The following MAN1A1 variants were observed in gnomAD, a reference collection of about 807,000 sequenced individuals.
MAN1A1 encodes the protein mannosidase alpha class 1A member 1.
MAN1A1 carries 29 observed loss-of-function variants against 70.8 expected under a neutral mutation model. The ratio of observed to expected loss-of-function variants is 0.41; its 90% CI spans 0.31 to 0.56. The LOEUF is 0.56. MAN1A1 is among the 20% of genes least tolerant of loss of function. The pLI is 0.29. For synonymous variants in MAN1A1, 349 were observed against 330.1 expected (o/e 1.06, Z -0.62); for missense variants, 747 against 841.3 (o/e 0.89, Z 1.39).
At chr6:119,261,834 T>A (rs1562215485) in intron 5 of MAN1A1, among the ~76,000 whole-genome samples, 1 of 152,246 alleles carries the variant, frequency 6.6e-6, no homozygotes, top group Non-Finnish European at 1.5e-5. Context: ...AGGTTATTGT[T>A]CAGACAAGAA....
At chr6:119,265,210 C>T (rs1291157468) in intron 5 of MAN1A1, among the ~76,000 whole-genome samples, 1 of 151,958 alleles carries the variant, frequency 6.6e-6, no homozygotes, top group Non-Finnish European at 1.5e-5. Context: ...CAGTGATCCT[C>T]CTACCTCAGC....
intron 5 of MAN1A1, among the ~76,000 whole-genome samples, chr6:119,287,055 G>A (rs1776394348): frequency 6.6e-6 from 1 of 152,024 alleles, no homozygotes. Context: ...AAGACTTCTA[G>A]CATATCCTTT....
intron 6 of MAN1A1, among the ~76,000 whole-genome samples, chr6:119,227,818 A>G (rs1774560194): frequency 6.6e-6 from 1 of 152,194 alleles, no homozygotes; most frequent in Non-Finnish European, 1.5e-5. Flanking sequence ...CATCGGATTG[A>G]AATTTCGAGT....
chr6:119,301,909 C>T, intron 4 of MAN1A1, 79 bp downstream of exon 4: 2 of 733,744 alleles, frequency 2.7e-6, no homozygotes, highest in Non-Finnish European at 2.4e-6. Flanking sequence ...CATTATAATA[C>T]AATAATAGGG....
chr6:119,323,083 G>C (rs903692422), intron 2 of MAN1A1, among the ~76,000 whole-genome samples: 5 of 152,232 alleles, frequency 3.3e-5, no homozygotes, highest in African/African-American at 1.2e-4. Context: ...CACCACTTTA[G>C]AGAGTGTCAG....
At chr6:119,287,334 AG>A in intron 5 of MAN1A1, among the ~76,000 whole-genome samples, 1 of 152,202 alleles carries the variant, frequency 6.6e-6, no homozygotes, top group South Asian at 2.1e-4. Context: ...TGCTCAATAT[AG>A]CTATTGGTTT....
chr6:119,239,162 G>C (rs565056982), intron 6 of MAN1A1, among the ~76,000 whole-genome samples: 4 of 152,084 alleles, frequency 2.6e-5, no homozygotes, highest in Non-Finnish European at 4.4e-5. Flanking sequence ...ACAGGCGTGA[G>C]CCACCGCACC....
chr6:119,263,899 T>C (rs994424899), intron 5 of MAN1A1, among the ~76,000 whole-genome samples: 2 of 152,244 alleles, frequency 1.3e-5, no homozygotes, highest in Non-Finnish European at 2.9e-5. Flanking sequence ...ATTTGATAAA[T>C]ACAACATTTG....
In MAN1A1 at chr6:119,248,202, A is replaced by C. The variant is rs958197566; in HGVS notation, c.992+58T>G. 8.7e-6 allele frequency: 10 copies of C among 1,144,140 alleles called. No individual in the cohort carries two copies. The African/African-American group carries it at 1.4e-4, about 16-fold the overall frequency. 70.9% of individuals were successfully genotyped at this position (1,144,140 alleles called of 1,614,324 possible). ...ATTATCTATCTAATGTATACTTATT[A>C]GGCAACAATCTGGAATATTTCACCT... On this transcript the variant is annotated intron_variant, in intron 6 of 12. Coordinates refer to ENST00000368468, the MANE Select transcript of MAN1A1 (RefSeq NM_005907.4).
At chr6:119,318,899 A>G (rs115052557) in intron 2 of MAN1A1, among the ~76,000 whole-genome samples, 169 of 152,342 alleles carry the variant, frequency 1.1e-3, no homozygotes, top group African/African-American at 3.9e-3. Context: ...CATCACCAAA[A>G]GAACACCCTA....
intron 5 of MAN1A1, among the ~76,000 whole-genome samples, chr6:119,261,306 C>A (rs899334438): frequency 6.6e-6 from 1 of 152,114 alleles, no homozygotes; most frequent in African/African-American, 2.4e-5. Context: ...ATTGCACACA[C>A]GCACATATTT....
intron 2 of MAN1A1, among the ~76,000 whole-genome samples, chr6:119,330,268 T>C (rs978783731): frequency 1.6e-4 from 24 of 152,250 alleles, no homozygotes; most frequent in African/African-American, 5.1e-4. Flanking sequence ...TCTCCTCTAA[T>C]GCCACATATC....
At chr6:119,264,233 T>C (rs1471025485) in intron 5 of MAN1A1, among the ~76,000 whole-genome samples, 1 of 152,218 alleles carries the variant, frequency 6.6e-6, no homozygotes, top group Non-Finnish European at 1.5e-5. Context: ...CTTATACATT[T>C]GTATTTTAAC....
intron 11 of MAN1A1, among the ~76,000 whole-genome samples, chr6:119,183,132 A>C (rs1462816757): frequency 6.6e-6 from 1 of 152,218 alleles, no homozygotes; most frequent in Non-Finnish European, 1.5e-5. Flanking sequence ...GATTTTTCAC[A>C]TCAGGGCTGG....
At chr6:119,184,058 C>G (rs535939848) in intron 11 of MAN1A1, among the ~76,000 whole-genome samples, 1 of 151,940 alleles carries the variant, frequency 6.6e-6, no homozygotes, top group South Asian at 2.1e-4. Flanking sequence ...TCACCCCTTA[C>G]GCAAAAGTCT....
intron 6 of MAN1A1, among the ~76,000 whole-genome samples, chr6:119,231,610 G>A (rs1774678914): frequency 6.6e-6 from 1 of 152,170 alleles, no homozygotes; most frequent in African/African-American, 2.4e-5. Context: ...AGGACAAGGT[G>A]GAGGGAAGAG....
At chr6:119,202,249 T>C (rs1463517005) in intron 7 of MAN1A1, among the ~76,000 whole-genome samples, 2 of 152,218 alleles carry the variant, frequency 1.3e-5, no homozygotes, top group Non-Finnish European at 2.9e-5. Context: ...AATTTCTTTT[T>C]AAAGTTGTTT....
intron 5 of MAN1A1, among the ~76,000 whole-genome samples, chr6:119,269,999 CT>C (rs1037113944): frequency 2.2e-4 from 33 of 152,078 alleles, no homozygotes; most frequent in African/African-American, 8.0e-4. Flanking sequence ...GGATTTTAAT[CT>C]ATTATAGTTC....
chr6:119,256,311 C>T (rs1418796741), intron 5 of MAN1A1, among the ~76,000 whole-genome samples: 5 of 151,854 alleles, frequency 3.3e-5, no homozygotes, highest in Admixed American at 3.3e-4. Context: ...GATATTTATT[C>T]TCATGAAAAA....
Sources: gnomAD v4.1 joint callset for allele counts (sites outside exome capture counted in the v4.1 genomes callset) on GRCh38, gnomAD v4.1.1 for gene constraint, MANE v1.5 for transcripts, NCBI Gene and HGNC (gene_info 2026-07-23, HGNC 2026-07-21) for gene names.